Variants in MYZAP observed in about 807,000 individuals in gnomAD.
MYZAP encodes GRINL1A complex locus upstream.
MYZAP carries 66 observed loss-of-function variants against 69.4 expected under a neutral mutation model. The ratio of observed to expected loss-of-function variants is 0.95; its 90% CI spans 0.78 to 1.17. The LOEUF (loss-of-function observed/expected upper bound fraction) is 1.17. Among genes scored for constraint, MYZAP ranks in the 50% most tolerant of loss-of-function variants. MYZAP has a pLI of 0.00. For synonymous variants in MYZAP, 256 were observed against 205.9 expected, an observed-to-expected ratio of 1.24 and a Z score of -2.09; for missense variants, 611 against 556.2, an observed-to-expected ratio of 1.10 and a Z score of -0.99.
chr15:57,685,037 T>C lies in MYZAP; in HGVS notation c.*539T>C, dbSNP rs1167099441. On this transcript the variant is annotated 3_prime_UTR_variant, in exon 13 of 13. Transcript: ENST00000267853. Reference sequence around the variant, plus strand: ...CTCTTTCCTCTTGGTCCCAAGCATCTGTGCAGGGTCGTGGGAGCCACACTG... The same window carrying C: ...CTCTTTCCTCTTGGTCCCAAGCATCCGTGCAGGGTCGTGGGAGCCACACTG... 3 of 152,722 alleles carry C rather than the reference T, an allele frequency of 2.0e-5. No individual in the cohort carries two copies. Among genetic ancestry groups the C allele is most frequent in the Non-Finnish European group, 2.9e-5 (2 of 68,398 alleles). 9.5% of individuals were successfully genotyped at this position (152,722 alleles called of 1,614,324 possible).
At chr15:57,593,212 A>ACACACACACACACACC (rs770540454) in intron 1 of MYZAP, among the ~76,000 whole-genome samples, 2 of 124,906 alleles carry the variant, frequency 1.6e-5, no homozygotes, top group African/African-American at 6.8e-5. Context: ...ACACACACAC[A>ACACACACACACACACC]CACCCCAGAA....
At chr15:57,613,158 T>C (rs2035217837) in intron 2 of MYZAP, among the ~76,000 whole-genome samples, 1 of 152,078 alleles carries the variant, frequency 6.6e-6, no homozygotes, top group Non-Finnish European at 1.5e-5. Context: ...GGTCTCCATC[T>C]CCTGACCTTG....
chr15:57,632,774 C>G (rs577088155), intron 7 of MYZAP, among the ~76,000 whole-genome samples: 2 of 152,310 alleles, frequency 1.3e-5, no homozygotes, highest in Admixed American at 6.5e-5. Flanking sequence ...AGCCCCTTGT[C>G]TCTGTCTCTA....
intron 12 of MYZAP, among the ~76,000 whole-genome samples, chr15:57,677,937 G>T (rs1174381947): frequency 6.6e-6 from 1 of 151,404 alleles, no homozygotes; most frequent in African/African-American, 2.4e-5. Flanking sequence ...GGCATGGTGG[G>T]TCACACCTGT....
chr15:57,623,802 T>G (rs1440989435), intron 4 of MYZAP, among the ~76,000 whole-genome samples: 1 of 132,802 alleles, frequency 7.5e-6, no homozygotes, highest in Non-Finnish European at 1.6e-5. Flanking sequence ...AGTTGTAAAT[T>G]AAAAAAAAAA....
intron 2 of MYZAP, 96 bp downstream of exon 2, chr15:57,604,451 G>A (rs2034613770): frequency 3.7e-6 from 5 of 1,367,074 alleles, no homozygotes; most frequent in Middle Eastern, 1.8e-4. Flanking sequence ...CAGAGGCTGG[G>A]TGTCTGCACC....
At chr15:57,664,780 C>A (rs542102375) in intron 11 of MYZAP, among the ~76,000 whole-genome samples, 7 of 152,216 alleles carry the variant, frequency 4.6e-5, no homozygotes, top group Admixed American at 1.3e-4. Context: ...CAGACTCAGA[C>A]TACCTGAGTA....
At chr15:57,684,374 T>C (rs746944649) in intron 12 of MYZAP, 28 bp from the exon 13 acceptor site, 17 of 1,530,494 alleles carry the variant, frequency 1.1e-5, no homozygotes, top group Middle Eastern at 1.7e-4. Context: ...TGTTTCATTT[T>C]CCTGACCTGC....
intron 8 of MYZAP, among the ~76,000 whole-genome samples, chr15:57,635,521 C>T (rs2036765019): frequency 6.6e-6 from 1 of 152,234 alleles, no homozygotes; most frequent in Non-Finnish European, 1.5e-5. Flanking sequence ...GGCCAGCCCT[C>T]CCTGCCAGCA....
Position 57,625,901 on chromosome 15 carries a change from C to G in MYZAP, c.525+9C>G, listed in dbSNP as rs2036106335. On this transcript the variant is annotated intron_variant, in intron 5 of 12. Transcript: ENST00000267853. ...ATTCCATTGGCCTGCAGGTACTCAT[C>G]TGCTTACTGCTATGACAGGGCAACC... The G allele has an allele frequency of 1.2e-6, 2 of 1,612,754 alleles. No homozygotes were observed. The highest frequency in any genetic ancestry group is 1.7e-6 in the Non-Finnish European group (2 of 1,178,874).
At chr15:57,680,662 T>C (rs757390207) in intron 12 of MYZAP, 3 of 152,064 alleles carry the variant, frequency 2.0e-5, no homozygotes, top group African/African-American at 7.2e-5. Context: ...AAAAGTGACT[T>C]TTCTTTCTTC....
chr15:57,596,789 G>A (rs774149609), intron 1 of MYZAP, among the ~76,000 whole-genome samples: 36 of 152,224 alleles, frequency 2.4e-4, no homozygotes, highest in Middle Eastern at 6.8e-3. Context: ...TTTCGATGCC[G>A]TTCCTTGCCT....
intron 3 of MYZAP, among the ~76,000 whole-genome samples, chr15:57,619,509 C>G (rs2035679934): frequency 6.6e-6 from 1 of 152,148 alleles, no homozygotes. Flanking sequence ...TCCCAAGCAG[C>G]TGGGACTGCA....
intron 1 of MYZAP, among the ~76,000 whole-genome samples, chr15:57,603,583 T>C (rs550516370): frequency 2.0e-5 from 3 of 152,224 alleles, no homozygotes; most frequent in African/African-American, 7.2e-5. Flanking sequence ...AATCATACAG[T>C]ATTTGTCTTT....
chr15:57,594,705 C>T (rs2033942591), intron 1 of MYZAP, among the ~76,000 whole-genome samples: 1 of 152,148 alleles, frequency 6.6e-6, no homozygotes, highest in Admixed American at 6.5e-5. Context: ...TGATGCATTT[C>T]TCAGAGTGCA....
At chr15:57,674,259 C>A (rs1260250701) in intron 11 of MYZAP, among the ~76,000 whole-genome samples, 2 of 152,074 alleles carry the variant, frequency 1.3e-5, no homozygotes, top group Non-Finnish European at 1.5e-5. Context: ...CTTTGTCCTT[C>A]ATTTCCCCCA....
intron 12 of MYZAP, among the ~76,000 whole-genome samples, chr15:57,682,175 C>A (rs1243740202): frequency 6.6e-6 from 1 of 152,142 alleles, no homozygotes; most frequent in African/African-American, 2.4e-5. Context: ...CATCTAGCAA[C>A]CCTGCCTGAG....
At chr15:57,646,174 G>C in intron 10 of MYZAP, 2 of 1,289,304 alleles carry the variant, frequency 1.6e-6, no homozygotes, top group South Asian at 2.5e-5. Context: ...TTTAGTCTCC[G>C]GCTCTTTGGA....
intron 10 of MYZAP, among the ~76,000 whole-genome samples, chr15:57,661,201 T>C (rs2038283564): frequency 6.6e-6 from 1 of 152,198 alleles, no homozygotes; most frequent in South Asian, 2.1e-4. Context: ...TCATGTCTGC[T>C]GCCCCAAGCT....
Sources: gnomAD v4.1 joint callset for allele counts (sites outside exome capture counted in the v4.1 genomes callset) on GRCh38, gnomAD v4.1.1 for gene constraint, MANE v1.5 for transcripts, NCBI Gene and HGNC (gene_info 2026-07-23, HGNC 2026-07-21) for gene names.